MPDZ: variants seen among roughly 807,000 people sequenced by gnomAD.
MPDZ encodes multiple PDZ domain protein.
In MPDZ, 234 loss-of-function variants were observed where a neutral mutation model predicts 239.1. The observed-to-expected ratio is 0.98, with a 90% confidence interval of 0.88 to 1.09. MPDZ has a LOEUF of 1.09. Ranked by LOEUF, MPDZ falls within the 50% of genes least tolerant of loss-of-function variation. The pLI, the probability that MPDZ is intolerant of heterozygous loss-of-function variation, is 0.00. For synonymous variants in MPDZ, 1,048 were observed against 881.3 expected (o/e 1.19, Z -3.35); for missense variants, 3,175 against 2,510.0 (o/e 1.26, Z -5.66).
At position 13,272,456 on chromosome 9, in the gene MPDZ, G is replaced by A. The variant is rs551488898; in HGVS notation, c.-58+6944C>T. Among the ~76,000 whole-genome samples the A allele has an allele frequency of 4.3e-4, 65 of 152,120 alleles. 1 individual carries two copies. The highest frequency in any genetic ancestry group is 3.7e-3 in the Admixed American group (56 of 15,254). On this transcript the variant is annotated intron_variant, in intron 1 of 46. Coordinates refer to ENST00000319217, the MANE Select transcript of MPDZ (RefSeq NM_001378778.1). Reference sequence around the variant, plus strand: ...TGCTATAGTTTTGTAAAACAGCATAGGATAACTGCATTTCCTAGCCCAGAA... The same window carrying A: ...TGCTATAGTTTTGTAAAACAGCATAAGATAACTGCATTTCCTAGCCCAGAA...
At chr9:13,163,141 T>C (rs1950665486) in intron 22 of MPDZ, among the ~76,000 whole-genome samples, 1 of 152,156 alleles carries the variant, frequency 6.6e-6, no homozygotes, top group African/African-American at 2.4e-5. Context: ...GAATAATGAT[T>C]GTCAGCAATA....
intron 27 of MPDZ, among the ~76,000 whole-genome samples, chr9:13,141,972 AAC>A (rs969642114): frequency 1.3e-5 from 2 of 152,258 alleles, no homozygotes; most frequent in African/African-American, 4.8e-5. Flanking sequence ...AAAATGAACA[AAC>A]ACACACACAT....
At chr9:13,256,555 T>G (rs1384207504) in intron 1 of MPDZ, among the ~76,000 whole-genome samples, 1 of 152,186 alleles carries the variant, frequency 6.6e-6, no homozygotes, top group African/African-American at 2.4e-5. Context: ...ATAGCCTAAT[T>G]TCAATACTGT....
At chr9:13,214,709 T>C (rs1162569724) in intron 10 of MPDZ, among the ~76,000 whole-genome samples, 1 of 152,108 alleles carries the variant, frequency 6.6e-6, no homozygotes, top group African/African-American at 2.4e-5. Context: ...ACTCCGTATG[T>C]ATTCCTTCTG....
intron 27 of MPDZ, among the ~76,000 whole-genome samples, chr9:13,140,676 T>C (rs574684042): frequency 6.6e-6 from 1 of 151,940 alleles, no homozygotes; most frequent in Admixed American, 6.6e-5. Context: ...GTACAAACTT[T>C]CCCTTCTAGA....
intron 12 of MPDZ, among the ~76,000 whole-genome samples, chr9:13,199,359 T>C (rs1956107201): frequency 6.6e-6 from 1 of 152,114 alleles, no homozygotes; most frequent in African/African-American, 2.4e-5. Context: ...GTATGTATCC[T>C]GCAACTTTAC....
At chr9:13,129,556 T>C (rs1421282597) in intron 32 of MPDZ, among the ~76,000 whole-genome samples, 1 of 151,972 alleles carries the variant, frequency 6.6e-6, no homozygotes, top group Non-Finnish European at 1.5e-5. Flanking sequence ...CATATGAATG[T>C]GCAATTTTTT....
At chr9:13,198,440 TATTTG>T (rs1955922539) in intron 12 of MPDZ, among the ~76,000 whole-genome samples, 2 of 152,114 alleles carry the variant, frequency 1.3e-5, no homozygotes, top group African/African-American at 2.4e-5. Flanking sequence ...TTAATCAGAT[TATTTG>T]ATTTTTTTTC....
chr9:13,168,148 C>G (rs967917110), intron 22 of MPDZ, among the ~76,000 whole-genome samples: 1 of 152,060 alleles, frequency 6.6e-6, no homozygotes. Context: ...ATTAAAAATA[C>G]AAAGCAACGT....
chr9:13,233,204 C>G (rs983274155), intron 3 of MPDZ, among the ~76,000 whole-genome samples: 1 of 151,944 alleles, frequency 6.6e-6, no homozygotes, highest in Non-Finnish European at 1.5e-5. Context: ...AGTGAACATC[C>G]AAGAGAAATA....
chr9:13,123,345 G>T, intron 35 of MPDZ, 47 bp from the exon 36 acceptor site: 1 of 1,516,246 alleles, frequency 6.6e-7, no homozygotes, highest in South Asian at 1.2e-5. Flanking sequence ...TGGTTACTAA[G>T]GCATATCCAT....
intron 31 of MPDZ, chr9:13,134,477 T>G (rs763319287): frequency 6.6e-6 from 1 of 152,192 alleles, no homozygotes; most frequent in Non-Finnish European, 1.5e-5. Flanking sequence ...GAGACAATGA[T>G]TTGTACATCT....
At chr9:13,269,274 G>C (rs1249367974) in intron 1 of MPDZ, among the ~76,000 whole-genome samples, 1 of 152,176 alleles carries the variant, frequency 6.6e-6, no homozygotes, top group African/African-American at 2.4e-5. Flanking sequence ...TTAGAGGAAA[G>C]AGAAATATGG....
chr9:13,244,126 TA>T (rs1260403828), intron 3 of MPDZ, among the ~76,000 whole-genome samples: 1 of 152,194 alleles, frequency 6.6e-6, no homozygotes, highest in Non-Finnish European at 1.5e-5. Context: ...TAATTCAGGG[TA>T]AAAAGATTAA....
intron 10 of MPDZ, among the ~76,000 whole-genome samples, chr9:13,210,010 G>T (rs1381726732): frequency 6.9e-6 from 1 of 144,426 alleles, no homozygotes; most frequent in Non-Finnish European, 1.5e-5. Flanking sequence ...AGGGAGAAGG[G>T]AAACTTACCC....
intron 17 of MPDZ, 24 bp from the exon 18 acceptor site, chr9:13,186,410 T>A: frequency 6.9e-7 from 1 of 1,459,792 alleles, no homozygotes; most frequent in Admixed American, 2.0e-5. Context: ...ATGGTATTCA[T>A]GGAAAAGAGA....
At chr9:13,117,976 C>T (rs538577620) in intron 39 of MPDZ, among the ~76,000 whole-genome samples, 2 of 151,690 alleles carry the variant, frequency 1.3e-5, no homozygotes, top group South Asian at 4.2e-4. Context: ...TCCTGAGTAG[C>T]TGGGATTACA....
intron 24 of MPDZ, among the ~76,000 whole-genome samples, chr9:13,154,996 A>G (rs932978900): frequency 2.0e-5 from 3 of 152,170 alleles, no homozygotes; most frequent in African/African-American, 7.2e-5. Flanking sequence ...AGGCAGGTGG[A>G]TCATGAGGTC....
intron 35 of MPDZ, 118 bp from the exon 36 acceptor site, chr9:13,123,416 G>T (rs1026864798): frequency 2.8e-6 from 2 of 705,414 alleles, no homozygotes; most frequent in Non-Finnish European, 4.6e-6. Flanking sequence ...CATGACTGTG[G>T]GAAAAGAGAC....
Sources: allele counts gnomAD v4.1 joint callset (sites outside exome capture counted in the v4.1 genomes callset), GRCh38; gene constraint gnomAD v4.1.1; transcripts MANE v1.5; gene names NCBI Gene and HGNC (gene_info 2026-07-23, HGNC 2026-07-21).